RMDN1: variants seen among roughly 807,000 people sequenced by gnomAD.
RMDN1 encodes regulator of microtubule dynamics protein 1.
Under a neutral mutation model 48.9 loss-of-function variants are expected in RMDN1, and 48 were observed. That is an observed-to-expected ratio of 0.98 (90% CI 0.78 to 1.25). The LOEUF is 1.25. RMDN1 is among the 50% of genes most tolerant of loss of function. The pLI is 0.00. For synonymous variants in RMDN1, 148 were observed against 132.6 expected, an observed-to-expected ratio of 1.12 and a Z score of -0.80; for missense variants, 418 against 373.4, an observed-to-expected ratio of 1.12 and a Z score of -0.98.
chr8:86,482,749 T>C, intron 5 of RMDN1: 1 of 958,618 alleles, frequency 1.0e-6, no homozygotes, highest in Non-Finnish European at 1.7e-6. Context: ...GGTGGCGCCA[T>C]AACCTGTGTG....
At chr8:86,505,171 T>A (rs960087084) in intron 2 of RMDN1, 1 of 1,100,822 alleles carries the variant, frequency 9.1e-7, no homozygotes, top group African/African-American at 1.6e-5. Context: ...TGCTGCTACT[T>A]GATTCCTTTC....
intron 8 of RMDN1, among the ~76,000 whole-genome samples, chr8:86,475,956 A>C (rs1455983075): frequency 6.6e-6 from 1 of 152,182 alleles, no homozygotes; most frequent in Non-Finnish European, 1.5e-5. Context: ...CAAAGTCCAC[A>C]TCTTCTCAGA....
At chr8:86,490,110 A>G (rs1002620990) in intron 2 of RMDN1, among the ~76,000 whole-genome samples, 3 of 152,102 alleles carry the variant, frequency 2.0e-5, no homozygotes, top group South Asian at 2.1e-4. Flanking sequence ...ACTCTATTCT[A>G]TATTTTTATC....
chr8:86,472,022 T>A (rs750827049), downstream of RMDN1, among the ~76,000 whole-genome samples: 4 of 152,194 alleles, frequency 2.6e-5, no homozygotes, highest in Non-Finnish European at 5.9e-5. Context: ...TGGGTAGATA[T>A]TAGATGATGT....
intron 5 of RMDN1, among the ~76,000 whole-genome samples, chr8:86,483,608 A>G (rs1417200219): frequency 1.3e-5 from 2 of 152,208 alleles, no homozygotes; most frequent in African/African-American, 4.8e-5. Flanking sequence ...TATTATGTAT[A>G]TATTACTATC....
intron 1 of RMDN1, among the ~76,000 whole-genome samples, chr8:86,513,854 CTT>C (rs377128309): frequency 1.4e-4 from 20 of 143,392 alleles, no homozygotes; most frequent in South Asian, 2.3e-4. Flanking sequence ...GTCTTGGTAA[CTT>C]TTTTTTTTTT....
At chr8:86,480,611 TTTGCAAATTAATC>T (rs1298685794) in intron 5 of RMDN1, among the ~76,000 whole-genome samples, 9 of 152,112 alleles carry the variant, frequency 5.9e-5, no homozygotes, top group African/African-American at 1.9e-4. Context: ...ATGGATTAAT[TTTGCAAATTAATC>T]TTGCAAATTA....
In RMDN1 at chr8:86,474,749, A is replaced by T. The variant is rs1813083242; in HGVS notation, c.894+71T>A. 1.1e-5 allele frequency: 15 copies of T among 1,389,274 alleles called. No individual in the cohort carries two copies. In the South Asian group the frequency reaches 1.8e-4, roughly 17 times the overall value. The allele number at this position is 1,389,274 out of a possible 1,614,324, so 86.1% of individuals were successfully genotyped here. ...ATGCATTTAGAAAATTATGCTTTTA[A>T]AGAAGTTCTTAATTCACCATTTAAT... On this transcript the variant is annotated intron_variant, in intron 9 of 9. Coordinates refer to ENST00000406452, the MANE Select transcript of RMDN1 (RefSeq NM_016033.3).
chr8:86,485,986 G>A (rs992413631), intron 4 of RMDN1, among the ~76,000 whole-genome samples: 8 of 152,110 alleles, frequency 5.3e-5, no homozygotes, highest in South Asian at 2.1e-4. Flanking sequence ...TCGTCTCCCC[G>A]TACGATTTAC....
intron 2 of RMDN1, among the ~76,000 whole-genome samples, chr8:86,500,859 G>A (rs1374642280): frequency 6.6e-6 from 1 of 152,016 alleles, no homozygotes; most frequent in African/African-American, 2.4e-5. Flanking sequence ...ATACTATAAA[G>A]CCATTTTTAA....
intron 2 of RMDN1, chr8:86,504,532 A>G (rs1000245737): frequency 2.9e-6 from 4 of 1,399,668 alleles, no homozygotes; most frequent in African/African-American, 2.8e-5. Context: ...GTTTAATACT[A>G]TCTTCACTGT....
intron 2 of RMDN1, among the ~76,000 whole-genome samples, chr8:86,495,730 A>C (rs1293006520): frequency 6.6e-6 from 1 of 152,030 alleles, no homozygotes; most frequent in East Asian, 1.9e-4. Context: ...ACAGGTGCAC[A>C]CTCACTCAGA....
intron 2 of RMDN1, among the ~76,000 whole-genome samples, chr8:86,502,004 T>C (rs949565138): frequency 3.3e-5 from 5 of 151,960 alleles, no homozygotes; most frequent in Non-Finnish European, 5.9e-5. Context: ...ATGAAATCAA[T>C]AGATAACTAG....
rs1332533013 is a variant in RMDN1, at chr8:86,473,086, A to G, written c.*1222T>C. ...CCCAAGTATTTCAGATAAGGGATAC[A>G]CAACCTATATAGCAAAATCACTGAA... is the stretch of plus-strand genomic sequence containing the variant. On this transcript the variant is annotated 3_prime_UTR_variant, in exon 10 of 10. Transcript: ENST00000406452. 6.4e-5 allele frequency: 63 copies of G among 982,938 alleles called. No homozygotes were observed. The highest frequency in any genetic ancestry group is 7.1e-5 in the Non-Finnish European group (59 of 827,778). 60.9% of individuals were successfully genotyped at this position (982,938 alleles called of 1,614,324 possible). A position where few individuals can be genotyped will look rare whatever the true frequency, so the allele number is the denominator to read the frequency against.
chr8:86,479,755 G>C (rs1814020382), intron 6 of RMDN1, among the ~76,000 whole-genome samples: 1 of 151,596 alleles, frequency 6.6e-6, no homozygotes, highest in Non-Finnish European at 1.5e-5. Context: ...AGCTCTGCAG[G>C]CTATACTCAA....
At chr8:86,468,463 T>C, downstream of RMDN1, 1 of 432,214 alleles carries the variant, frequency 2.3e-6, no homozygotes, top group Non-Finnish European at 4.5e-6. Context: ...ATGTGACAGG[T>C]TATGTGATAG....
intron 2 of RMDN1, among the ~76,000 whole-genome samples, chr8:86,489,908 AT>A (rs745485061): frequency 9.3e-5 from 14 of 151,270 alleles, no homozygotes; most frequent in Admixed American, 5.9e-4. Context: ...GAAATTTGTG[AT>A]GCAATCGTGT....
Position 86,484,903 on chromosome 8 carries a change from G to C in RMDN1, c.554C>G (p.Ala185Gly), listed in dbSNP as rs759077227. 10 of 1,605,778 alleles carry C rather than the reference G, an allele frequency of 6.2e-6. No homozygotes were observed. In the South Asian group the frequency reaches 1.1e-4, roughly 18 times the overall value. The change falls in exon 5 of 10, where the codon GCA becomes GGA. Residue 185 changes from alanine to glycine, a missense_variant. Transcript: ENST00000406452. ...ATGCTCCTTGATGATATATGCATTT[G>C]CAATTTTAGCCTTGATGCCTTCATA... ...GDYEGIKAKIANAYIIKEHFE... is the reference protein window; with the variant it reads ...GDYEGIKAKIGNAYIIKEHFE...
chr8:86,503,366 C>CAAAAAAAAAAAAAAAAAAAAAAA lies in RMDN1; in HGVS notation c.247+3628_247+3629insTTTTTTTTTTTTTTTTTTTTTTT, dbSNP rs1354324383. On this transcript the variant is annotated intron_variant, in intron 2 of 9. Transcript: ENST00000406452. Reference sequence around the variant, plus strand: ...GACTCCGTCTCAAAACAAAACAAAACAAAACAAAAAAAAAAAAAAAAAACA... The same window carrying CAAAAAAAAAAAAAAAAAAAAAAA: ...GACTCCGTCTCAAAACAAAACAAAACAAAAAAAAAAAAAAAAAAAAAAAAAAACAAAAAAAAAAAAAAAAAACA... Among the ~76,000 whole-genome samples the CAAAAAAAAAAAAAAAAAAAAAAA allele has an allele frequency of 3.5e-4, 25 of 70,438 alleles. 3 individuals carry two copies. The highest frequency in any genetic ancestry group is 8.1e-3 in the Middle Eastern group (1 of 124). The allele number at this position is 70,438 out of a possible 152,430, so 46.2% of individuals were successfully genotyped here.
Sources: gnomAD v4.1 joint callset for allele counts (sites outside exome capture counted in the v4.1 genomes callset) on GRCh38, gnomAD v4.1.1 for gene constraint, MANE v1.5 for transcripts, NCBI Gene and HGNC (gene_info 2026-07-23, HGNC 2026-07-21) for gene names.